The following STON2 variants were observed in gnomAD, a reference collection of about 807,000 sequenced individuals.
STON2 encodes stonin 2.
A neutral mutation model predicts 65.7 loss-of-function variants in STON2; 29 were observed. The ratio of observed to expected loss-of-function variants is 0.44; its 90% CI spans 0.33 to 0.60. The LOEUF (loss-of-function observed/expected upper bound fraction) is 0.60, where lower values mean the gene tolerates loss of function less well. Ranked by LOEUF, STON2 falls within the 20% of genes least tolerant of loss-of-function variation. The pLI is 0.03. For missense variants in STON2, 1,054 were observed against 1,118.1 expected (o/e 0.94, Z 0.82); for synonymous variants, 404 against 414.2 (o/e 0.98, Z 0.30).
intron 7 of STON2, chr14:81,269,959 A>G: frequency 3.0e-6 from 3 of 985,422 alleles, no homozygotes; most frequent in Non-Finnish European, 2.4e-6. Context: ...AACTTTGTTC[A>G]GGTCCACTTC....
intron 4 of STON2, among the ~76,000 whole-genome samples, chr14:81,342,708 A>G (rs77666033): frequency 0.03 from 4,496 of 152,174 alleles, 107 homozygotes; most frequent in South Asian, 0.11. Context: ...CACAGAAGAG[A>G]GCCAGGGTCT....
intron 2 of STON2, among the ~76,000 whole-genome samples, chr14:81,409,077 C>T (rs1901019847): frequency 6.6e-6 from 1 of 152,096 alleles, no homozygotes; most frequent in Non-Finnish European, 1.5e-5. Flanking sequence ...AAATTAGATG[C>T]ATTTTACAAT....
upstream of STON2, among the ~76,000 whole-genome samples, chr14:81,400,476 G>A (rs1366823107): frequency 8.0e-4 from 2 of 2,508 alleles, no homozygotes; most frequent in East Asian, 4.7e-3. Flanking sequence ...CACAGCACCC[G>A]TCAAAAAAAA....
At chr14:81,344,494 A>G (rs535539331) in intron 4 of STON2, among the ~76,000 whole-genome samples, 1 of 152,356 alleles carries the variant, frequency 6.6e-6, no homozygotes, top group East Asian at 1.9e-4. Context: ...TAATTGGGAT[A>G]ATTTCCATGA....
intron 4 of STON2, among the ~76,000 whole-genome samples, chr14:81,331,274 A>T (rs1386137499): frequency 6.6e-6 from 1 of 152,264 alleles, no homozygotes; most frequent in Admixed American, 6.5e-5. Flanking sequence ...AAGAGACTTT[A>T]GCCCCATGTG....
upstream of STON2, among the ~76,000 whole-genome samples, chr14:81,403,037 G>C (rs1900683103): frequency 6.6e-6 from 1 of 152,176 alleles, no homozygotes; most frequent in Non-Finnish European, 1.5e-5. Flanking sequence ...ATAAATGCAG[G>C]CACTTTGTGA....
chr14:81,342,065 G>A (rs371384446), intron 4 of STON2, among the ~76,000 whole-genome samples: 3 of 152,040 alleles, frequency 2.0e-5, no homozygotes, highest in African/African-American at 7.2e-5. Context: ...TATAAACCAC[G>A]CTAGACTGTT....
At chr14:81,416,784 G>A (rs759806279) in intron 2 of STON2, among the ~76,000 whole-genome samples, 7 of 152,132 alleles carry the variant, frequency 4.6e-5, no homozygotes, top group Non-Finnish European at 8.8e-5. Flanking sequence ...CATATCGAAG[G>A]GAGTCCAGTT....
At chr14:81,307,237 C>G (rs371951971) in intron 5 of STON2, among the ~76,000 whole-genome samples, 1 of 152,172 alleles carries the variant, frequency 6.6e-6, no homozygotes, top group Non-Finnish European at 1.5e-5. Context: ...TGCACTGATG[C>G]AATTATAACA....
chr14:81,403,881 C>T (rs547079085), upstream of STON2, among the ~76,000 whole-genome samples: 38 of 152,294 alleles, frequency 2.5e-4, no homozygotes, highest in Middle Eastern at 0.021. Context: ...CCTTTATCCC[C>T]CATATCTTCT....
chr14:81,329,780 G>C (rs543337366), intron 4 of STON2, among the ~76,000 whole-genome samples: 8 of 152,126 alleles, frequency 5.3e-5, no homozygotes, highest in African/African-American at 1.9e-4. Flanking sequence ...GAGAGAGAAG[G>C]GGGTGGGGGA....
chr14:81,278,896 A>T lies in STON2; in HGVS notation c.743-157T>A, dbSNP rs72695769. 4.3e-3 allele frequency: 2,355 copies of T among 544,006 alleles called. 7 individuals are homozygous for T. Among genetic ancestry groups the T allele is most frequent in the Non-Finnish European group, 6.1e-3 (1,994 of 328,074 alleles). 33.7% of individuals were successfully genotyped at this position (544,006 alleles called of 1,614,324 possible). A position where few individuals can be genotyped will look rare whatever the true frequency, so the allele number is the denominator to read the frequency against. ...TTTCAAGTGCTTAGTCTGGGCATAGATCTCACAATTCTGTAATGAGCACCC... is the reference window on the plus strand; with the variant it reads ...TTTCAAGTGCTTAGTCTGGGCATAGTTCTCACAATTCTGTAATGAGCACCC... On this transcript the variant is annotated intron_variant, in intron 5 of 7. Transcript: ENST00000614646.
At chr14:81,382,218 CA>C (rs1044720255) in intron 3 of STON2, among the ~76,000 whole-genome samples, 1 of 129,536 alleles carries the variant, frequency 7.7e-6, no homozygotes, top group Non-Finnish European at 1.6e-5. Context: ...GACTCTGTCT[CA>C]AAAAAAAAGA....
In STON2 at chr14:81,277,767, T is replaced by C; in HGVS notation, c.1715A>G (p.Lys572Arg). 6.2e-7 allele frequency: 1 copy of C among 1,614,138 alleles called. No individual in the cohort carries two copies. The highest frequency in any genetic ancestry group is 1.1e-5 in the South Asian group (1 of 91,068). ...TYKEKKKYQP[K>R]PAVAHTAERE... ...CTCTGCTGTGTGGGCCACAGCAGGT[T>C]TGGGCTGGTATTTCTTCTTCTCTTT... Residue 572 changes from lysine to arginine, a missense_variant, in exon 6 of 8, where the codon AAA (lysine) becomes AGA (arginine). Lys to Arg is a conservative substitution (Grantham distance 26). Coordinates refer to ENST00000614646, the MANE Select transcript of STON2 (RefSeq NM_001394390.1).
At chr14:81,309,100 A>AAT (rs11378317) in intron 5 of STON2, among the ~76,000 whole-genome samples, 428 of 149,124 alleles carry the variant, frequency 2.9e-3, no homozygotes, top group Middle Eastern at 7.0e-3. Context: ...AAAAAAAAAA[A>AAT]CTCGTTATTT....
At chr14:81,283,530 A>ATTT (rs10653687) in intron 5 of STON2, among the ~76,000 whole-genome samples, 7,178 of 128,802 alleles carry the variant, frequency 0.056, 425 homozygotes, top group African/African-American at 0.11. Flanking sequence ...CAGATACTGC[A>ATTT]TTTTTTTTTT....
Position 81,276,997 on chromosome 14 carries a change from C to T in STON2, c.2485G>A (p.Glu829Lys), listed in dbSNP as rs1226176800. The change falls in exon 6 of 8, where the codon GAG (glutamate) becomes AAG (lysine). Residue 829 changes from glutamate to lysine, a missense_variant. Glu to Lys is a moderately conservative substitution (Grantham distance 56, BLOSUM62 1). Transcript: ENST00000614646. Reference sequence around the variant, plus strand: ...CCCAGAGTTACTCTCATGACAGGCTCAGAGCCAGAAACACTAGTGGAGCCA... The same window carrying T: ...CCCAGAGTTACTCTCATGACAGGCTTAGAGCCAGAAACACTAGTGGAGCCA... ...SFGSTSVSGS[E>K]PVMRVTLGTA... 1 of 1,614,106 alleles carries T rather than the reference C, an allele frequency of 6.2e-7. No homozygotes were observed. Among genetic ancestry groups the T allele is most frequent in the African/African-American group, 1.3e-5 (1 of 74,948 alleles).
At chr14:81,334,052 C>A (rs1485814270) in intron 4 of STON2, among the ~76,000 whole-genome samples, 1 of 152,210 alleles carries the variant, frequency 6.6e-6, no homozygotes, top group African/African-American at 2.4e-5. Flanking sequence ...GCTTGCACTA[C>A]TCTTAAGCAA....
Position 81,262,215 on chromosome 14 carries a change from C to T in STON2, c.*6199G>A. ...ACTTACTTAACATAGTGATTGTCTC[C>T]ATGGCTATGTCCTGTAAAGATTCAC... On this transcript the variant is annotated 3_prime_UTR_variant, in exon 8 of 8. Coordinates refer to ENST00000614646, the MANE Select transcript of STON2 (RefSeq NM_001394390.1). The T allele has an allele frequency of 2.0e-6, 2 of 985,410 alleles. No homozygotes were observed. Among genetic ancestry groups the T allele is most frequent in the Non-Finnish European group, 2.4e-6 (2 of 829,910 alleles). 61.0% of individuals were successfully genotyped at this position (985,410 alleles called of 1,614,324 possible). A position where few individuals can be genotyped will look rare whatever the true frequency, so the allele number is the denominator to read the frequency against.
Sources: gnomAD v4.1 joint callset for allele counts (sites outside exome capture counted in the v4.1 genomes callset) on GRCh38, gnomAD v4.1.1 for gene constraint, MANE v1.5 for transcripts, NCBI Gene and HGNC (gene_info 2026-07-23, HGNC 2026-07-21) for gene names.